CNTNAP2: variants seen among roughly 807,000 people sequenced by gnomAD.
The protein encoded by CNTNAP2 is contactin-associated protein-like 2.
CNTNAP2 carries 98 observed loss-of-function variants against 155.2 expected under a neutral mutation model. The observed-to-expected ratio is 0.63, with a 90% CI of 0.54 to 0.75. The LOEUF is 0.75. Ranked by LOEUF, CNTNAP2 falls within the 30% of genes least tolerant of loss-of-function variation. CNTNAP2 has a pLI of 0.00. For synonymous variants in CNTNAP2, 651 were observed against 631.2 expected (o/e 1.03, Z -0.47); for missense variants, 1,727 against 1,688.1 (o/e 1.02, Z -0.40).
At chr7:147,675,847 C>A (rs188211073) in intron 13 of CNTNAP2, among the ~76,000 whole-genome samples, 52 of 152,082 alleles carry the variant, frequency 3.4e-4, no homozygotes, top group African/African-American at 1.1e-3. Context: ...AAACATGGAT[C>A]TGCCACTCAC....
intron 13 of CNTNAP2, among the ~76,000 whole-genome samples, chr7:147,693,986 T>C (rs1487649223): frequency 6.6e-6 from 1 of 152,080 alleles, no homozygotes; most frequent in Non-Finnish European, 1.5e-5. Flanking sequence ...TTTTTGTGAA[T>C]ATATTTTATC....
intron 8 of CNTNAP2, among the ~76,000 whole-genome samples, chr7:147,182,475 T>A (rs1006984830): frequency 3.9e-5 from 6 of 152,198 alleles, no homozygotes; most frequent in African/African-American, 1.4e-4. Flanking sequence ...TTATTAACCC[T>A]ATACTAAGCA....
At chr7:147,337,378 A>T (rs1317417571) in intron 9 of CNTNAP2, among the ~76,000 whole-genome samples, 2 of 152,060 alleles carry the variant, frequency 1.3e-5, no homozygotes, top group Non-Finnish European at 2.9e-5. Flanking sequence ...GCATTTCAGG[A>T]CACCCTGTTC....
intron 15 of CNTNAP2, among the ~76,000 whole-genome samples, chr7:148,035,699 T>C (rs1225616043): frequency 6.6e-6 from 1 of 152,140 alleles, no homozygotes; most frequent in Non-Finnish European, 1.5e-5. Flanking sequence ...TGGCGATGCC[T>C]GGTGGAGCCG....
chr7:146,208,324 A>G (rs958286927), intron 1 of CNTNAP2, among the ~76,000 whole-genome samples: 37 of 146,236 alleles, frequency 2.5e-4, no homozygotes, highest in Non-Finnish European at 4.1e-4. Flanking sequence ...TCATCCTGTG[A>G]AAAAAAAAAT....
intron 16 of CNTNAP2, among the ~76,000 whole-genome samples, chr7:148,119,814 G>C (rs1204260649): frequency 1.3e-5 from 2 of 152,014 alleles, no homozygotes; most frequent in East Asian, 3.9e-4. Context: ...GTATCTAGTA[G>C]TTATTGTAAT....
chr7:146,882,777 A>G (rs1438273297), intron 3 of CNTNAP2, among the ~76,000 whole-genome samples: 1 of 152,178 alleles, frequency 6.6e-6, no homozygotes, highest in Non-Finnish European at 1.5e-5. Flanking sequence ...TACACAAATA[A>G]TGTTCAGGCT....
At chr7:147,597,559 C>T (rs1480380884) in intron 12 of CNTNAP2, among the ~76,000 whole-genome samples, 1 of 152,144 alleles carries the variant, frequency 6.6e-6, no homozygotes, top group African/African-American at 2.4e-5. Context: ...GTTTTATTCA[C>T]CACTAACAAG....
chr7:148,262,778 G>C (rs1216341422), intron 20 of CNTNAP2, among the ~76,000 whole-genome samples: 1 of 152,094 alleles, frequency 6.6e-6, no homozygotes, highest in Non-Finnish European at 1.5e-5. Flanking sequence ...TTATCTTTGG[G>C]AGGCATGATT....
At chr7:146,720,989 G>A (rs186639102) in intron 1 of CNTNAP2, among the ~76,000 whole-genome samples, 2 of 96,962 alleles carry the variant, frequency 2.1e-5, no homozygotes, top group African/African-American at 1.3e-4. Flanking sequence ...TATATATACT[G>A]TATATATATA....
At chr7:147,916,399 T>C (rs953307964) in intron 14 of CNTNAP2, among the ~76,000 whole-genome samples, 2 of 152,108 alleles carry the variant, frequency 1.3e-5, no homozygotes, top group Non-Finnish European at 2.9e-5. Flanking sequence ...GTTTGGCCAC[T>C]GCCCCCAAAT....
chr7:147,992,087 C>CTTTTTTTTTTTTTTT (rs36015914), intron 15 of CNTNAP2, among the ~76,000 whole-genome samples: 3 of 72,772 alleles, frequency 4.1e-5, no homozygotes, highest in African/African-American at 1.1e-4. Context: ...ATTACTACCT[C>CTTTTTTTTTTTTTTT]TTTTTTTTTT....
At chr7:146,469,584 G>A (rs928978524) in intron 1 of CNTNAP2, among the ~76,000 whole-genome samples, 24 of 146,650 alleles carry the variant, frequency 1.6e-4, no homozygotes, top group South Asian at 8.7e-4. Flanking sequence ...GTGCAGTGAC[G>A]CAATCTTGGC....
intron 13 of CNTNAP2, among the ~76,000 whole-genome samples, chr7:147,852,469 T>G (rs1798964123): frequency 6.6e-6 from 1 of 152,216 alleles, no homozygotes; most frequent in African/African-American, 2.4e-5. Context: ...GAAGTCTTAA[T>G]GTCGACTCTT....
chr7:146,915,298 C>T (rs1796371570), intron 3 of CNTNAP2, among the ~76,000 whole-genome samples: 1 of 151,970 alleles, frequency 6.6e-6, no homozygotes, highest in Admixed American at 6.6e-5. Flanking sequence ...TGTGCAGATT[C>T]TTTTCTGATG....
At chr7:146,605,242 C>G (rs1585003239) in intron 1 of CNTNAP2, among the ~76,000 whole-genome samples, 2 of 151,184 alleles carry the variant, frequency 1.3e-5, no homozygotes, top group Non-Finnish European at 2.9e-5. Flanking sequence ...TGGCTAGAAA[C>G]TAGGGCTGGC....
At chr7:147,924,281 G>A (rs1365899872) in intron 14 of CNTNAP2, among the ~76,000 whole-genome samples, 3 of 151,812 alleles carry the variant, frequency 2.0e-5, no homozygotes, top group Non-Finnish European at 1.5e-5. Context: ...TGGGATTACA[G>A]GCATGTACCA....
chr7:146,785,491 G>A (rs1802560352), intron 2 of CNTNAP2, among the ~76,000 whole-genome samples: 1 of 152,146 alleles, frequency 6.6e-6, no homozygotes, highest in Admixed American at 6.5e-5. Context: ...ATTATTTACT[G>A]CATATATTAT....
chr7:146,757,848 C>A (rs1055903788), intron 1 of CNTNAP2, among the ~76,000 whole-genome samples: 1 of 152,048 alleles, frequency 6.6e-6, no homozygotes, highest in Admixed American at 6.6e-5. Context: ...CAACTTTTCT[C>A]ATCTCTTGGT....
Sources: allele counts gnomAD v4.1 joint callset (sites outside exome capture counted in the v4.1 genomes callset), GRCh38; gene constraint gnomAD v4.1.1; transcripts MANE v1.5; gene names NCBI Gene and HGNC (gene_info 2026-07-23, HGNC 2026-07-21).